The following SUMF1 variants were observed in gnomAD, a reference collection of about 807,000 sequenced individuals.
The protein encoded by SUMF1 is formylglycine-generating enzyme.
SUMF1 carries 48 observed loss-of-function variants against 47.6 expected under a neutral mutation model. That is an observed-to-expected ratio of 1.01 (90% confidence interval 0.80 to 1.28). The LOEUF (loss-of-function observed/expected upper bound fraction) is 1.28, where lower values mean the gene tolerates loss of function less well. Among genes scored for constraint, SUMF1 ranks in the 50% most tolerant of loss-of-function variants. The pLI is 0.00. For missense variants in SUMF1, 571 were observed against 485.4 expected, an observed-to-expected ratio of 1.18 and a Z score of -1.66; for synonymous variants, 230 against 192.1, an observed-to-expected ratio of 1.20 and a Z score of -1.63.
intron 8 of SUMF1, among the ~76,000 whole-genome samples, chr3:4,101,534 A>G (rs555107829): frequency 6.6e-6 from 1 of 152,258 alleles, no homozygotes; most frequent in East Asian, 1.9e-4. Flanking sequence ...GTCAACAGAC[A>G]CAAAGTTACA....
At chr3:4,320,041 A>G (rs534623226) in intron 8 of SUMF1, among the ~76,000 whole-genome samples, 75 of 152,348 alleles carry the variant, frequency 4.9e-4, no homozygotes, top group African/African-American at 1.8e-3. Flanking sequence ...TTTTAGGGCA[A>G]TGAAACAATT....
intron 3 of SUMF1, 96 bp downstream of exon 3, chr3:4,449,170 G>A (rs1314044473): frequency 3.1e-6 from 4 of 1,303,348 alleles, no homozygotes; most frequent in Non-Finnish European, 4.5e-6. Context: ...AGGTGTTACA[G>A]GGAGAGGAAG....
chr3:4,203,712 GGT>G (rs1342209048), intron 8 of SUMF1, among the ~76,000 whole-genome samples: 1 of 151,114 alleles, frequency 6.6e-6, no homozygotes, highest in Admixed American at 6.6e-5. Flanking sequence ...GGTTTTCTCT[GGT>G]CATGTATTTT....
At chr3:4,272,486 T>C (rs1387707069) in intron 8 of SUMF1, among the ~76,000 whole-genome samples, 1 of 152,082 alleles carries the variant, frequency 6.6e-6, no homozygotes. Context: ...CTGAGCAAGG[T>C]GACTCTTCCT....
chr3:4,072,202 C>T (rs1269480576), intron 8 of SUMF1, among the ~76,000 whole-genome samples: 4 of 152,126 alleles, frequency 2.6e-5, no homozygotes, highest in Non-Finnish European at 4.4e-5. Context: ...AGCTAAGTGG[C>T]CTGACTGTCA....
intron 8 of SUMF1, among the ~76,000 whole-genome samples, chr3:4,165,947 C>A (rs1694696745): frequency 6.6e-6 from 1 of 150,542 alleles, no homozygotes; most frequent in Non-Finnish European, 1.5e-5. Flanking sequence ...AGTAGCAGAT[C>A]CCCCTCTTGC....
chr3:4,035,404 T>C (rs1694774780), intron 9 of SUMF1, among the ~76,000 whole-genome samples: 1 of 152,194 alleles, frequency 6.6e-6, no homozygotes, highest in Non-Finnish European at 1.5e-5. Flanking sequence ...TCTGCGTTCA[T>C]GTGAGTTTCT....
At chr3:4,039,209 A>ATTTTTTTTT (rs775459424) in intron 9 of SUMF1, among the ~76,000 whole-genome samples, 396 of 39,446 alleles carry the variant, frequency 0.01, 4 homozygotes, top group African/African-American at 0.019. Flanking sequence ...ATCTATGCAA[A>ATTTTTTTTT]TTTTTTTTTT....
downstream of SUMF1, among the ~76,000 whole-genome samples, chr3:4,356,814 A>G (rs1375338328): frequency 6.6e-6 from 1 of 152,336 alleles, no homozygotes; most frequent in East Asian, 1.9e-4. Flanking sequence ...CCAGGCTGAC[A>G]TTTCTGCAGG....
At chr3:4,353,185 G>C (rs1165439207) in intron 8 of SUMF1, among the ~76,000 whole-genome samples, 1 of 152,222 alleles carries the variant, frequency 6.6e-6, no homozygotes, top group African/African-American at 2.4e-5. Flanking sequence ...GATGGCTTGA[G>C]GCCGGGAGCT....
chr3:4,164,125 G>C (rs1477704235), intron 8 of SUMF1, among the ~76,000 whole-genome samples: 1 of 152,138 alleles, frequency 6.6e-6, no homozygotes, highest in Non-Finnish European at 1.5e-5. Flanking sequence ...ATAACGGTGT[G>C]GGACTTTCAG....
intron 8 of SUMF1, among the ~76,000 whole-genome samples, chr3:4,199,637 G>C (rs1695500382): frequency 6.6e-6 from 1 of 152,074 alleles, no homozygotes. Flanking sequence ...ATAACACATA[G>C]CATTCTGTCT....
At chr3:4,094,551 A>G (rs940564564) in intron 8 of SUMF1, among the ~76,000 whole-genome samples, 3 of 152,112 alleles carry the variant, frequency 2.0e-5, no homozygotes, top group African/African-American at 7.2e-5. Context: ...TATTAAACAC[A>G]GAGTGACCAT....
chr3:4,289,299 C>A (rs78386769), intron 8 of SUMF1, among the ~76,000 whole-genome samples: 3,268 of 152,234 alleles, frequency 0.021, 46 homozygotes, highest in African/African-American at 0.029. Flanking sequence ...AAAGCTGACT[C>A]CAAAATAAAT....
chr3:4,362,369 T>G (rs1299469010), intron 8 of SUMF1, 115 bp from the exon 9 acceptor site: 1 of 808,494 alleles, frequency 1.2e-6, no homozygotes, highest in Admixed American at 2.0e-5. Flanking sequence ...ACCCTGCCTG[T>G]ATGGATACTT....
At chr3:4,128,038 T>C (rs1574907440) in intron 8 of SUMF1, among the ~76,000 whole-genome samples, 1 of 152,074 alleles carries the variant, frequency 6.6e-6, no homozygotes, top group East Asian at 1.9e-4. Flanking sequence ...ATGAAGCAGG[T>C]TAGTTGCTCC....
rs771918000 is a variant in SUMF1, at chr3:4,417,267, G to C, written c.726-25C>G. 1.9e-6 allele frequency: 3 copies of C among 1,604,256 alleles called. No homozygotes were observed. In the Admixed American group the frequency reaches 5.0e-5, roughly 27 times the overall value. On this transcript the variant is annotated intron_variant, in intron 5 of 8. Transcript: ENST00000272902. ...TCTGTCAGAAGAGACACAGGCATCAGCCTGTCAAACAGGCACAGGTTTTGG... is the reference window on the plus strand; with the variant it reads ...TCTGTCAGAAGAGACACAGGCATCACCCTGTCAAACAGGCACAGGTTTTGG...
intron 8 of SUMF1, among the ~76,000 whole-genome samples, chr3:4,372,223 C>T (rs145719477): frequency 0.016 from 2,505 of 152,172 alleles, 35 homozygotes; most frequent in Non-Finnish European, 0.026. Flanking sequence ...AATGCTTGAA[C>T]CTGGGAGGCG....
chr3:4,347,264 C>T (rs1443951179), intron 8 of SUMF1, among the ~76,000 whole-genome samples: 3 of 152,140 alleles, frequency 2.0e-5, no homozygotes, highest in Non-Finnish European at 2.9e-5. Flanking sequence ...CCCTCATGAA[C>T]ATCAATGCAA....
Sources: gnomAD v4.1 joint callset for allele counts (sites outside exome capture counted in the v4.1 genomes callset) on GRCh38, gnomAD v4.1.1 for gene constraint, MANE v1.5 for transcripts, NCBI Gene and HGNC (gene_info 2026-07-23, HGNC 2026-07-21) for gene names.